The following CEP112 variants were observed in gnomAD, a reference collection of about 807,000 sequenced individuals.
The protein encoded by CEP112 is centrosomal protein 112, also known as centrosomal protein of 112 kDa.
A neutral mutation model predicts 153.0 loss-of-function variants in CEP112; 127 were observed. The ratio of observed to expected loss-of-function variants is 0.83; its 90% CI spans 0.72 to 0.96. The LOEUF (loss-of-function observed/expected upper bound fraction) is 0.96. CEP112 is among the 40% of genes least tolerant of loss of function. CEP112 has a pLI of 0.00. For synonymous variants in CEP112, 358 were observed against 374.4 expected (o/e 0.96, Z 0.51); for missense variants, 1,089 against 1,101.2 (o/e 0.99, Z 0.16).
At chr17:66,118,110 T>A (rs1297141314) in intron 6 of CEP112, among the ~76,000 whole-genome samples, 1 of 152,206 alleles carries the variant, frequency 6.6e-6, no homozygotes, top group East Asian at 1.9e-4. Flanking sequence ...GGTGGTTTCT[T>A]AAAAAATTAA....
chr17:65,923,024 T>A (rs1568233782), intron 19 of CEP112, among the ~76,000 whole-genome samples: 1 of 152,170 alleles, frequency 6.6e-6, no homozygotes, highest in Admixed American at 6.5e-5. Context: ...ACATCCTCCA[T>A]GGCACTTCAG....
intron 18 of CEP112, among the ~76,000 whole-genome samples, chr17:65,944,864 C>T (rs1396015335): frequency 6.6e-6 from 1 of 152,156 alleles, no homozygotes; most frequent in African/African-American, 2.4e-5. Context: ...AGGTATGAGT[C>T]ACCACGCCTG....
intron 12 of CEP112, among the ~76,000 whole-genome samples, chr17:66,042,682 T>C (rs905737993): frequency 6.6e-6 from 1 of 152,166 alleles, no homozygotes; most frequent in Non-Finnish European, 1.5e-5. Context: ...GAAATCTGAA[T>C]AAATGAAAGA....
chr17:65,845,261 G>GT (rs2057688061), intron 21 of CEP112, among the ~76,000 whole-genome samples: 1 of 152,186 alleles, frequency 6.6e-6, no homozygotes, highest in Non-Finnish European at 1.5e-5. Context: ...GGAGGTTGTG[G>GT]TGAGTCGAGA....
At chr17:66,041,423 T>A (rs1029816180) in intron 12 of CEP112, among the ~76,000 whole-genome samples, 3 of 152,030 alleles carry the variant, frequency 2.0e-5, no homozygotes, top group African/African-American at 2.4e-5. Flanking sequence ...AGAAAAAAAA[T>A]TTGGTTTCAT....
At chr17:66,116,792 T>C (rs1436721052) in intron 6 of CEP112, among the ~76,000 whole-genome samples, 2 of 152,132 alleles carry the variant, frequency 1.3e-5, no homozygotes, top group Non-Finnish European at 2.9e-5. Context: ...AACCATACTT[T>C]TTATTCACTT....
intron 24 of CEP112, among the ~76,000 whole-genome samples, chr17:65,678,228 T>C (rs562013449): frequency 1.3e-5 from 2 of 152,320 alleles, no homozygotes; most frequent in Admixed American, 6.5e-5. Flanking sequence ...GCTTAGTAGC[T>C]GTCAGAACAG....
intron 23 of CEP112, among the ~76,000 whole-genome samples, chr17:65,724,038 T>C (rs1337195007): frequency 6.7e-6 from 1 of 149,496 alleles, no homozygotes; most frequent in African/African-American, 2.4e-5. Flanking sequence ...AGCTGAAGGG[T>C]TCTGCTTCTC....
intron 8 of CEP112, among the ~76,000 whole-genome samples, chr17:66,094,526 A>T (rs959860493): frequency 6.6e-6 from 1 of 152,224 alleles, no homozygotes; most frequent in Non-Finnish European, 1.5e-5. Flanking sequence ...CTTAAATGTG[A>T]GACCTGACAT....
chr17:65,922,963 T>C (rs573625159), intron 19 of CEP112, among the ~76,000 whole-genome samples: 1 of 152,254 alleles, frequency 6.6e-6, no homozygotes, highest in Admixed American at 6.5e-5. Flanking sequence ...CTAAACCTAG[T>C]TTCTGAAACC....
At position 65,964,645 on chromosome 17, in the gene CEP112, G is replaced by A. The variant is rs536591491; in HGVS notation, c.1737-3047C>T. ...TTGACTGGAAGGGGCTGCCTGGAAT[G>A]TACTATTTAAAGGATTCTGAGAGCA... On this transcript the variant is annotated intron_variant, in intron 17 of 26. Transcript: ENST00000535342. Among the ~76,000 whole-genome samples the A allele has an allele frequency of 8.5e-5, 13 of 152,242 alleles. No homozygotes were observed. The South Asian group carries it at 1.5e-3, about 17-fold the overall frequency.
intron 21 of CEP112, among the ~76,000 whole-genome samples, chr17:65,832,515 G>A (rs1309014891): frequency 6.6e-6 from 1 of 151,470 alleles, no homozygotes; most frequent in South Asian, 2.1e-4. Context: ...AAATGACTAT[G>A]GGAATGTTAC....
At position 65,826,044 on chromosome 17, in the gene CEP112, G is replaced by A. The variant is rs919230866; in HGVS notation, c.2394+25760C>T. 4 of 1,256,760 alleles carry A rather than the reference G, an allele frequency of 3.2e-6. No individual in the cohort carries two copies. The African/African-American group carries it at 6.0e-5, about 19-fold the overall frequency. 77.9% of individuals were successfully genotyped at this position (1,256,760 alleles called of 1,614,324 possible). A position where few individuals can be genotyped will look rare whatever the true frequency, so the allele number is the denominator to read the frequency against. The stretch of plus-strand genomic sequence containing the variant: ...GCCCTATCAAAATTCATCTCCTTGA[G>A]ATGAATTACCAATGCCTAACTCAGC... On this transcript the variant is annotated intron_variant, in intron 21 of 26. Coordinates refer to ENST00000535342, the MANE Select transcript of CEP112 (RefSeq NM_001199165.4).
At chr17:65,950,049 T>A (rs2061771108) in intron 18 of CEP112, among the ~76,000 whole-genome samples, 1 of 152,124 alleles carries the variant, frequency 6.6e-6, no homozygotes, top group Non-Finnish European at 1.5e-5. Flanking sequence ...GCCTTAGAAG[T>A]AGAATCAACA....
At chr17:66,011,953 G>A (rs1232210567) in intron 16 of CEP112, among the ~76,000 whole-genome samples, 1 of 152,148 alleles carries the variant, frequency 6.6e-6, no homozygotes, top group Non-Finnish European at 1.5e-5. Flanking sequence ...TTGCTGAATT[G>A]AGCAGTTTAC....
At chr17:66,056,863 T>G (rs1055731325) in intron 11 of CEP112, among the ~76,000 whole-genome samples, 1 of 152,152 alleles carries the variant, frequency 6.6e-6, no homozygotes, top group Non-Finnish European at 1.5e-5. Context: ...AATTGTATAC[T>G]TTAAGAAGGT....
chr17:66,050,777 C>T (rs1191224048), intron 12 of CEP112, among the ~76,000 whole-genome samples: 1 of 152,112 alleles, frequency 6.6e-6, no homozygotes, highest in African/African-American at 2.4e-5. Context: ...TCTTGCTTCT[C>T]AGGTTCCTTC....
At chr17:65,907,675 C>G (rs933114277) in intron 19 of CEP112, among the ~76,000 whole-genome samples, 1 of 152,080 alleles carries the variant, frequency 6.6e-6, no homozygotes, top group Non-Finnish European at 1.5e-5. Context: ...AGGAGAAACC[C>G]TAATGTTGGG....
chr17:65,788,353 G>C (rs1233175038), intron 21 of CEP112, among the ~76,000 whole-genome samples: 2 of 152,106 alleles, frequency 1.3e-5, no homozygotes, highest in African/African-American at 2.4e-5. Flanking sequence ...TGTAAGATTG[G>C]TATGTAATTT....
Sources: gnomAD v4.1 joint callset for allele counts (sites outside exome capture counted in the v4.1 genomes callset) on GRCh38, gnomAD v4.1.1 for gene constraint, MANE v1.5 for transcripts, NCBI Gene and HGNC (gene_info 2026-07-23, HGNC 2026-07-21) for gene names.